The following LNX2 variants were observed in gnomAD, a reference collection of about 807,000 sequenced individuals.
LNX2 encodes ligand of Numb protein X 2.
In LNX2, 35 loss-of-function variants were observed where a neutral mutation model predicts 66.2. The ratio of observed to expected loss-of-function variants is 0.53; its 90% CI spans 0.40 to 0.70. LNX2 has a LOEUF of 0.70. Among genes scored for constraint, LNX2 ranks in the 30% least tolerant of loss-of-function variants. The pLI, the probability that LNX2 is intolerant of heterozygous loss-of-function variation, is 0.00. For missense variants in LNX2, 791 were observed against 850.8 expected, an observed-to-expected ratio of 0.93 and a Z score of 0.87; for synonymous variants, 337 against 315.6, an observed-to-expected ratio of 1.07 and a Z score of -0.72.
At chr13:27,583,261 C>CGCGCCGCGCGCGCGCGT (rs11281345) in intron 1 of LNX2, among the ~76,000 whole-genome samples, 1 of 45,482 alleles carries the variant, frequency 2.2e-5, no homozygotes, top group Non-Finnish European at 4.5e-5. Flanking sequence ...TGTGTGCGCG[C>CGCGCCGCGCGCGCGCGT]GTCCTCTCCA....
intron 2 of LNX2, among the ~76,000 whole-genome samples, chr13:27,576,830 T>TTATAA (rs1566122376): frequency 1.3e-5 from 2 of 152,026 alleles, no homozygotes; most frequent in Non-Finnish European, 2.9e-5. Flanking sequence ...AAAAACTGAA[T>TTATAA]TATAAGAGAG....
chr13:27,584,349 G>A (rs1222961265), intron 1 of LNX2, among the ~76,000 whole-genome samples: 5 of 149,262 alleles, frequency 3.3e-5, no homozygotes, highest in Non-Finnish European at 5.9e-5. Flanking sequence ...TCAGGAGTTC[G>A]AGACTAGCCT....
chr13:27,601,169 C>T (rs561713887), intron 1 of LNX2, among the ~76,000 whole-genome samples: 2 of 152,268 alleles, frequency 1.3e-5, no homozygotes, highest in Non-Finnish European at 1.5e-5. Flanking sequence ...GTTACCATCA[C>T]CATTACCATT....
intron 6 of LNX2, 115 bp downstream of exon 6, chr13:27,559,727 A>G (rs905120409): frequency 1.9e-6 from 2 of 1,033,386 alleles, no homozygotes; most frequent in African/African-American, 3.3e-5. Flanking sequence ...TCTTTTTTTT[A>G]AAAAAACTGC....
chr13:27,560,005 A>G lies in LNX2; in HGVS notation c.1225-20T>C, dbSNP rs1955111364. The G allele has an allele frequency of 6.4e-7, 1 of 1,572,862 alleles. No individual in the cohort carries two copies. Among genetic ancestry groups the G allele is most frequent in the South Asian group, 1.2e-5 (1 of 85,580 alleles). ...ACTGGCCTGGAGAAAACACAAATAC[A>G]TTACCATAAGTGACTAATGATGTTT... On this transcript the variant is annotated intron_variant, in intron 5 of 9. Coordinates refer to ENST00000316334, the MANE Select transcript of LNX2 (RefSeq NM_153371.4).
chr13:27,560,565 G>GTATATATATATATATA (rs71083675), intron 5 of LNX2, among the ~76,000 whole-genome samples: 1,352 of 119,894 alleles, frequency 0.011, 54 homozygotes, highest in African/African-American at 0.017. Flanking sequence ...ATGTATGTGT[G>GTATATATATATATATA]TATATATATA....
intron 1 of LNX2, among the ~76,000 whole-genome samples, chr13:27,619,698 A>G (rs1336882982): frequency 6.6e-6 from 1 of 152,248 alleles, no homozygotes; most frequent in African/African-American, 2.4e-5. Context: ...TACTAAAAGA[A>G]ACACTACATG....
intron 1 of LNX2, among the ~76,000 whole-genome samples, chr13:27,595,399 A>G (rs1369842734): frequency 6.6e-6 from 1 of 152,218 alleles, no homozygotes; most frequent in Non-Finnish European, 1.5e-5. Flanking sequence ...ACCAAGTCTT[A>G]GTTGTTCATC....
At chr13:27,571,266 A>G (rs1286343557) in intron 2 of LNX2, among the ~76,000 whole-genome samples, 1 of 152,230 alleles carries the variant, frequency 6.6e-6, no homozygotes, top group Non-Finnish European at 1.5e-5. Context: ...AAAGTGACCA[A>G]TAGTGCAAAT....
rs114076316 is a variant in LNX2, at chr13:27,556,503, G to A, written c.1369-90C>T. ...TTCAAACTAAGGTAATAACTTACAT[G>A]GCATTTATAAAGTAATTATTTTTTA... On this transcript the variant is annotated intron_variant, in intron 6 of 9. Transcript: ENST00000316334. 3.1e-4 allele frequency: 320 copies of A among 1,044,660 alleles called. 1 individual carries two copies. The African/African-American group carries it at 4.6e-3, about 15-fold the overall frequency. The allele number at this position is 1,044,660 out of a possible 1,614,324, so 64.7% of individuals were successfully genotyped here. A position where few individuals can be genotyped will look rare whatever the true frequency, so the allele number is the denominator to read the frequency against.
chr13:27,571,141 C>T (rs1296256286), intron 2 of LNX2, among the ~76,000 whole-genome samples: 1 of 152,088 alleles, frequency 6.6e-6, no homozygotes, highest in East Asian at 1.9e-4. Flanking sequence ...TTTGGGAAAA[C>T]CCATATTTAA....
intron 2 of LNX2, among the ~76,000 whole-genome samples, chr13:27,572,868 G>T (rs560838005): frequency 1.3e-5 from 2 of 152,262 alleles, no homozygotes; most frequent in African/African-American, 4.8e-5. Context: ...GACACTGAAA[G>T]AATGTGAACA....
intron 6 of LNX2, among the ~76,000 whole-genome samples, chr13:27,559,515 A>G (rs576032639): frequency 6.6e-5 from 10 of 152,140 alleles, no homozygotes; most frequent in Non-Finnish European, 1.5e-4. Context: ...AAGCAACCCA[A>G]GATAAATTCC....
At chr13:27,615,690 T>G (rs890139243) in intron 1 of LNX2, among the ~76,000 whole-genome samples, 1 of 152,016 alleles carries the variant, frequency 6.6e-6, no homozygotes, top group Non-Finnish European at 1.5e-5. Flanking sequence ...AATTTGAGAG[T>G]TGTATGCCAG....
intron 4 of LNX2, among the ~76,000 whole-genome samples, chr13:27,564,743 A>G (rs1171614333): frequency 1.3e-5 from 2 of 152,358 alleles, no homozygotes; most frequent in African/African-American, 4.8e-5. Flanking sequence ...CTGCAAATCA[A>G]CCATCTTACT....
chr13:27,572,952 T>G (rs1955300657), intron 2 of LNX2, among the ~76,000 whole-genome samples: 1 of 152,030 alleles, frequency 6.6e-6, no homozygotes. Context: ...TCAGTGAAAA[T>G]GGTGAATTAA....
At chr13:27,550,968 T>C (rs1282970622) in intron 8 of LNX2, among the ~76,000 whole-genome samples, 1 of 152,188 alleles carries the variant, frequency 6.6e-6, no homozygotes, top group Non-Finnish European at 1.5e-5. Flanking sequence ...CAGATAATTA[T>C]CTCTCTTTTC....
Position 27,553,105 on chromosome 13 carries a change from G to A in LNX2, c.1778+103C>T, listed in dbSNP as rs376886314. Reference sequence around the variant, plus strand: ...GATGTTGCTATTTTACTGAATTAAAGCTTTTTTTTTTATCCCAACGAGTAA... The same window carrying A: ...GATGTTGCTATTTTACTGAATTAAAACTTTTTTTTTTATCCCAACGAGTAA... On this transcript the variant is annotated intron_variant, in intron 8 of 9. Coordinates refer to ENST00000316334, the MANE Select transcript of LNX2 (RefSeq NM_153371.4). 43 of 950,564 alleles carry A rather than the reference G, an allele frequency of 4.5e-5. 1 individual carries two copies. The East Asian group carries it at 5.2e-4, about 12-fold the overall frequency. The allele number at this position is 950,564 out of a possible 1,614,324, so 58.9% of individuals were successfully genotyped here.
intron 1 of LNX2, among the ~76,000 whole-genome samples, chr13:27,618,807 A>G (rs1444213121): frequency 6.6e-6 from 1 of 152,344 alleles, no homozygotes; most frequent in Non-Finnish European, 1.5e-5. Context: ...CCAAAGACAC[A>G]TACATTTATT....
Sources: gnomAD v4.1 joint callset for allele counts (sites outside exome capture counted in the v4.1 genomes callset) on GRCh38, gnomAD v4.1.1 for gene constraint, MANE v1.5 for transcripts, NCBI Gene and HGNC (gene_info 2026-07-23, HGNC 2026-07-21) for gene names.